Variants in WDFY4 observed in about 807,000 individuals in gnomAD.
WDFY4 encodes WDFY family member 4.
A neutral mutation model predicts 351.9 loss-of-function variants in WDFY4; 169 were observed. The observed-to-expected ratio is 0.48, with a 90% confidence interval of 0.42 to 0.55. The LOEUF (loss-of-function observed/expected upper bound fraction) is 0.55, where lower values mean the gene tolerates loss of function less well. WDFY4 is among the 20% of genes least tolerant of loss of function. WDFY4 has a pLI of 0.00. For missense variants in WDFY4, 3,803 were observed against 3,935.6 expected, an observed-to-expected ratio of 0.97 and a Z score of 0.90; for synonymous variants, 1,622 against 1,574.6, an observed-to-expected ratio of 1.03 and a Z score of -0.71.
At chr10:48,785,227 A>G (rs1048884181) in intron 19 of WDFY4, among the ~76,000 whole-genome samples, 7 of 152,144 alleles carry the variant, frequency 4.6e-5, no homozygotes, top group African/African-American at 1.4e-4. Flanking sequence ...GTGTGTCTAT[A>G]TATATACATA....
Position 48,848,581 on chromosome 10 carries a change from C to A in WDFY4, c.6663+15872C>A, listed in dbSNP as rs141048873. On this transcript the variant is annotated intron_variant, in intron 39 of 61. Transcript: ENST00000325239. ...GTATTTTACTCTGGGCAGGGGGTGACCAGCTGTGGCGATTTGGGCCCCAGT... is the reference window on the plus strand; with the variant it reads ...GTATTTTACTCTGGGCAGGGGGTGAACAGCTGTGGCGATTTGGGCCCCAGT... 1.2e-4 allele frequency among the ~76,000 whole-genome samples: 19 copies of A among 152,222 alleles called. No individual in the cohort carries two copies. In the East Asian group the frequency reaches 3.1e-3, roughly 25 times the overall value.
chr10:48,799,403 T>A (rs11101495), intron 24 of WDFY4, among the ~76,000 whole-genome samples: 7,775 of 150,608 alleles, frequency 0.052, 308 homozygotes, highest in Middle Eastern at 0.15. Context: ...AGGTAAGGGA[T>A]GTGTGCACTG....
intron 39 of WDFY4, among the ~76,000 whole-genome samples, chr10:48,851,303 A>G (rs1056491895): frequency 6.6e-6 from 1 of 152,208 alleles, no homozygotes; most frequent in Non-Finnish European, 1.5e-5. Context: ...ACCCTCCTCC[A>G]TATGTGGATG....
chr10:48,849,398 G>T (rs976406444), intron 39 of WDFY4, among the ~76,000 whole-genome samples: 1 of 152,202 alleles, frequency 6.6e-6, no homozygotes, highest in African/African-American at 2.4e-5. Context: ...ACATCAATCA[G>T]TCTTTCTTTG....
intron 39 of WDFY4, among the ~76,000 whole-genome samples, chr10:48,844,054 G>C (rs557041527): frequency 6.6e-6 from 1 of 152,208 alleles, no homozygotes; most frequent in Non-Finnish European, 1.5e-5. Flanking sequence ...ACTCACAGCC[G>C]GGCCGCCTGG....
intron 10 of WDFY4, among the ~76,000 whole-genome samples, chr10:48,735,516 G>A (rs1589485145): frequency 6.6e-6 from 1 of 151,722 alleles, no homozygotes; most frequent in African/African-American, 2.4e-5. Context: ...TTTACCCCAG[G>A]AATTCATGAC....
rs201454526 is a variant in WDFY4 at position 48,939,191 on chromosome 10, AG to A, written c.7587-2613del. Reference sequence around the variant, plus strand: ...AGCCAAGAAGGTCTTGACCAGAAGCAGGCCCCACTCTGCCACTGCACTCTCC... The same window carrying A: ...AGCCAAGAAGGTCTTGACCAGAAGCAGCCCCACTCTGCCACTGCACTCTCC... On this transcript the variant is annotated intron_variant, in intron 47 of 61. Coordinates refer to ENST00000325239, the MANE Select transcript of WDFY4 (RefSeq NM_001394531.1). 3.2e-3 allele frequency among the ~76,000 whole-genome samples: 491 copies of A among 152,344 alleles called. 3 individuals carry two copies. Among genetic ancestry groups the A allele is most frequent in the African/African-American group, 0.011 (474 of 41,590 alleles).
At chr10:48,882,882 A>G (rs1291431374) in intron 43 of WDFY4, among the ~76,000 whole-genome samples, 4 of 152,224 alleles carry the variant, frequency 2.6e-5, no homozygotes, top group Non-Finnish European at 4.4e-5. Context: ...AGACTGTATC[A>G]GGAGGCTTTG....
intron 43 of WDFY4, among the ~76,000 whole-genome samples, chr10:48,885,726 C>CTA (rs1206567046): frequency 5.7e-4 from 77 of 135,290 alleles, no homozygotes; most frequent in African/African-American, 1.7e-3. Flanking sequence ...CTCTCTCTCT[C>CTA]TCTCTCTCTA....
chr10:48,902,788 C>T (rs1030260495), intron 47 of WDFY4, among the ~76,000 whole-genome samples: 6 of 151,892 alleles, frequency 4.0e-5, no homozygotes, highest in African/African-American at 1.5e-4. Flanking sequence ...AGGTGGCAAG[C>T]GAAGCCCTTA....
At chr10:48,814,501 T>C (rs1186982342) in intron 31 of WDFY4, among the ~76,000 whole-genome samples, 1 of 151,936 alleles carries the variant, frequency 6.6e-6, no homozygotes, top group Non-Finnish European at 1.5e-5. Flanking sequence ...TCTTCGGGAG[T>C]GAGAAGCCTT....
intron 9 of WDFY4, among the ~76,000 whole-genome samples, chr10:48,733,137 A>C (rs73308020): frequency 1.3e-5 from 2 of 152,320 alleles, no homozygotes; most frequent in East Asian, 1.9e-4. Flanking sequence ...GCAGCCTAAC[A>C]TTGAATTTGC....
In WDFY4 at chr10:48,943,695, C is replaced by T. The variant is rs140977265; in HGVS notation, c.7749+246C>T. 3.2e-3 allele frequency among the ~76,000 whole-genome samples: 486 copies of T among 152,242 alleles called. 7 individuals are homozygous for T. The highest frequency in any genetic ancestry group is 0.011 in the African/African-American group (463 of 41,520). ...GCAACTTCCGCCTCCTGGGTTCAAG[C>T]GATTCTCCTGCCTCAGTCTCCTGAG... On this transcript the variant is annotated intron_variant, in intron 49 of 61. Coordinates refer to ENST00000325239, the MANE Select transcript of WDFY4 (RefSeq NM_001394531.1).
At chr10:48,913,032 G>T (rs1431812297) in intron 47 of WDFY4, among the ~76,000 whole-genome samples, 4 of 152,204 alleles carry the variant, frequency 2.6e-5, no homozygotes, top group Non-Finnish European at 5.9e-5. Flanking sequence ...CTGGCAGTGG[G>T]CTCTGAAATG....
chr10:48,854,272 C>G lies in WDFY4; in HGVS notation c.6664-12993C>G, dbSNP rs555303307. 4.8e-4 allele frequency among the ~76,000 whole-genome samples: 73 copies of G among 152,160 alleles called. 1 individual carries two copies. The highest frequency in any genetic ancestry group is 3.4e-3 in the Admixed American group (52 of 15,272). On this transcript the variant is annotated intron_variant, in intron 39 of 61. Coordinates refer to ENST00000325239, the MANE Select transcript of WDFY4 (RefSeq NM_001394531.1). ...TACAGGTGTACACCACCATGCCCAG[C>G]TAATTTTTGTATTTTTTGTAGAGAT... is the stretch of plus-strand genomic sequence containing the variant.
intron 40 of WDFY4, among the ~76,000 whole-genome samples, chr10:48,869,374 C>A (rs2069673358): frequency 6.6e-6 from 1 of 152,180 alleles, no homozygotes; most frequent in African/African-American, 2.4e-5. Context: ...CCACGCAGGA[C>A]TTTTCTAACC....
intron 13 of WDFY4, among the ~76,000 whole-genome samples, chr10:48,766,395 A>C (rs2065671837): frequency 6.6e-6 from 1 of 152,184 alleles, no homozygotes; most frequent in Non-Finnish European, 1.5e-5. Flanking sequence ...GTTTGAAACC[A>C]GCTTAGACAA....
chr10:48,708,499 G>C (rs1264649936), intron 1 of WDFY4, among the ~76,000 whole-genome samples: 1 of 152,204 alleles, frequency 6.6e-6, no homozygotes, highest in African/African-American at 2.4e-5. Context: ...GTAATGTTGA[G>C]TTTGGTGAGG....
At chr10:48,760,766 G>A (rs138247728) in intron 13 of WDFY4, among the ~76,000 whole-genome samples, 7 of 152,312 alleles carry the variant, frequency 4.6e-5, no homozygotes, top group African/African-American at 7.2e-5. Context: ...AGCACCTGGC[G>A]TTGGTGGGAA....
Sources: gnomAD v4.1 joint callset for allele counts (sites outside exome capture counted in the v4.1 genomes callset) on GRCh38, gnomAD v4.1.1 for gene constraint, MANE v1.5 for transcripts, NCBI Gene and HGNC (gene_info 2026-07-23, HGNC 2026-07-21) for gene names.